AXDND1: variants seen among roughly 807,000 people sequenced by gnomAD.
AXDND1 encodes axonemal dynein light chain domain-containing protein 1.
In AXDND1, 110 loss-of-function variants were observed where a neutral mutation model predicts 137.5. That is an observed-to-expected ratio of 0.80 (90% CI 0.69 to 0.94). The LOEUF is 0.94. AXDND1 is among the 40% of genes least tolerant of loss of function. The pLI is 0.00. For synonymous variants in AXDND1, 414 were observed against 399.7 expected, an observed-to-expected ratio of 1.04 and a Z score of -0.43; for missense variants, 1,191 against 1,169.8, an observed-to-expected ratio of 1.02 and a Z score of -0.26.
rs1212341663 is a variant in AXDND1, at chr1:179,386,851, A to T, written c.863+1492A>T. Among the ~76,000 whole-genome samples the T allele has an allele frequency of 3.3e-5, 5 of 151,952 alleles. 1 individual carries two copies. In the South Asian group the frequency reaches 1.0e-3, roughly 32 times the overall value. ...GTGATCCGCCTACCTCAGCCTCCTC[A>T]GTAGCTGGGGCTACAAGTGTGTGCC... On this transcript the variant is annotated intron_variant, in intron 9 of 25. Coordinates refer to ENST00000367618, the MANE Select transcript of AXDND1 (RefSeq NM_144696.6).
At position 179,368,970 on chromosome 1, in the gene AXDND1, A is replaced by G. The variant is rs1385944437; in HGVS notation, c.268A>G (p.Lys90Glu). The G allele has an allele frequency of 6.2e-7, 1 of 1,608,088 alleles. No homozygotes were observed. Among genetic ancestry groups the G allele is most frequent in the African/African-American group, 1.3e-5 (1 of 74,628 alleles). ...LLPPKKIKTP[K>E]GTLPRLVDHV... ...ACCTCCTAAGAAAATTAAAACCCCA[A>G]AGGTTTGTATGTACATATGTAGAGT... Residue 90 changes from lysine to glutamate, a missense_variant and splice_region_variant, in exon 3 of 26, where the codon AAG becomes GAG. Transcript: ENST00000367618.
At chr1:179,459,712 CTT>C (rs1310920304) in intron 16 of AXDND1, among the ~76,000 whole-genome samples, 6 of 144,200 alleles carry the variant, frequency 4.2e-5, no homozygotes, top group African/African-American at 7.9e-5. Flanking sequence ...TCCTTTCTTT[CTT>C]TTTCTTTCTT....
chr1:179,540,156 G>A (rs777000062), intron 25 of AXDND1, among the ~76,000 whole-genome samples: 62 of 152,108 alleles, frequency 4.1e-4, no homozygotes, highest in Non-Finnish European at 8.5e-4. Context: ...TTAGCTCGGA[G>A]ATGTTTGTTA....
chr1:179,525,795 A>ATATG (rs1572171488), intron 22 of AXDND1, among the ~76,000 whole-genome samples: 1 of 10,662 alleles, frequency 9.4e-5, no homozygotes, highest in Non-Finnish European at 2.6e-4. Flanking sequence ...TGCTTGGACC[A>ATATG]TATATATATA....
chr1:179,466,790 ACT>A (rs1663259272), intron 16 of AXDND1, among the ~76,000 whole-genome samples: 1 of 151,860 alleles, frequency 6.6e-6, no homozygotes, highest in African/African-American at 2.4e-5. Flanking sequence ...ATAATTTGAG[ACT>A]CTGGATGATA....
At chr1:179,460,174 T>C (rs987318355) in intron 16 of AXDND1, among the ~76,000 whole-genome samples, 10 of 152,068 alleles carry the variant, frequency 6.6e-5, no homozygotes, top group African/African-American at 2.2e-4. Flanking sequence ...GTGTATCTCC[T>C]AATGCTCTCG....
chr1:179,525,686 G>C (rs542955636), intron 22 of AXDND1, among the ~76,000 whole-genome samples: 1 of 152,090 alleles, frequency 6.6e-6, no homozygotes, highest in Non-Finnish European at 1.5e-5. Flanking sequence ...TTTTTATAGA[G>C]ATGGGATCTT....
chr1:179,390,475 A>G (rs1437113080), intron 9 of AXDND1, among the ~76,000 whole-genome samples: 1 of 152,200 alleles, frequency 6.6e-6, no homozygotes, highest in Non-Finnish European at 1.5e-5. Flanking sequence ...GTCGTTTTAC[A>G]TGTTGTCAAT....
chr1:179,418,644 C>T (rs1410158618), intron 12 of AXDND1, among the ~76,000 whole-genome samples: 7 of 148,840 alleles, frequency 4.7e-5, no homozygotes, highest in South Asian at 2.2e-4. Context: ...CCCTCCCGGA[C>T]GGGGCGGCTG....
chr1:179,437,987 A>G (rs891499775), intron 15 of AXDND1, among the ~76,000 whole-genome samples: 2 of 151,954 alleles, frequency 1.3e-5, no homozygotes, highest in African/African-American at 2.4e-5. Context: ...CCCTGTCTCT[A>G]CTACAAATAC....
In AXDND1 at chr1:179,421,223, C is replaced by T. The variant is rs140555184; in HGVS notation, c.1231-8295C>T. ...CATGCTGGTTTGTTTACTATGGCTT[C>T]GTAGTAAATTTCGAAGTCAGGTAGT... On this transcript the variant is annotated intron_variant, in intron 12 of 25. Coordinates refer to ENST00000367618, the MANE Select transcript of AXDND1 (RefSeq NM_144696.6). Among the ~76,000 whole-genome samples the T allele has an allele frequency of 4.1e-3, 621 of 151,782 alleles. 2 individuals carry two copies. The highest frequency in any genetic ancestry group is 0.014 in the African/African-American group (577 of 41,362).
Position 179,492,995 on chromosome 1 carries a change from GTTT to G in AXDND1, c.2388+47_2388+49del, listed in dbSNP as rs764714086. ...CCTTAGTTTTGTTTTTGTTTTGTTT[GTTT>G]TTATCAGATTTTTGAAGTTCAATTG... is the stretch of plus-strand genomic sequence containing the variant. On this transcript the variant is annotated intron_variant, in intron 20 of 25. Transcript: ENST00000367618. 7.1e-6 allele frequency: 10 copies of G among 1,401,086 alleles called. No individual in the cohort carries two copies. The South Asian group carries it at 1.3e-4, about 18-fold the overall frequency. 86.8% of individuals were successfully genotyped at this position (1,401,086 alleles called of 1,614,324 possible). A position where few individuals can be genotyped will look rare whatever the true frequency, so the allele number is the denominator to read the frequency against.
At chr1:179,424,521 G>A (rs987417341) in intron 12 of AXDND1, among the ~76,000 whole-genome samples, 6 of 150,430 alleles carry the variant, frequency 4.0e-5, no homozygotes, top group East Asian at 2.0e-4. Context: ...TCTGCCTCCC[G>A]GGTTCAAGCG....
intron 21 of AXDND1, among the ~76,000 whole-genome samples, chr1:179,511,327 TTA>T (rs1249572221): frequency 2.3e-5 from 3 of 133,274 alleles, no homozygotes; most frequent in Admixed American, 7.9e-5. Context: ...TAATATGATT[TTA>T]TATATATATA....
intron 21 of AXDND1, among the ~76,000 whole-genome samples, chr1:179,525,010 G>T (rs4652404): frequency 0.88 from 133,519 of 152,112 alleles, 58,773 homozygotes; most frequent in East Asian, 0.96. Flanking sequence ...GCCCAGAGCT[G>T]CTTCTTTTCC....
intron 12 of AXDND1, among the ~76,000 whole-genome samples, chr1:179,421,367 C>CTTTTTTTTTTTTTT (rs199703017): frequency 2.8e-5 from 3 of 107,212 alleles, no homozygotes; most frequent in Admixed American, 9.8e-5. Flanking sequence ...TTTTCTTTTC[C>CTTTTTTTTTTTTTT]TTTTTTTTTT....
intron 15 of AXDND1, among the ~76,000 whole-genome samples, chr1:179,439,228 A>G (rs927440153): frequency 2.0e-4 from 30 of 152,200 alleles, no homozygotes; most frequent in Middle Eastern, 3.2e-3. Flanking sequence ...AATCAGCACA[A>G]TTAGGGCGAC....
chr1:179,490,762 G>GTTT (rs34944088), intron 18 of AXDND1, among the ~76,000 whole-genome samples: 13,739 of 146,612 alleles, frequency 0.094, 731 homozygotes, highest in East Asian at 0.13. Flanking sequence ...CACAGTACTT[G>GTTT]TTTTTTTTTT....
chr1:179,487,400 A>G (rs556077740), intron 18 of AXDND1, among the ~76,000 whole-genome samples: 2 of 148,770 alleles, frequency 1.3e-5, no homozygotes, highest in South Asian at 4.2e-4. Flanking sequence ...TACTCAGTTG[A>G]CATGTTTGGT....
Sources: allele counts gnomAD v4.1 joint callset (sites outside exome capture counted in the v4.1 genomes callset), GRCh38; gene constraint gnomAD v4.1.1; transcripts MANE v1.5; gene names NCBI Gene and HGNC (gene_info 2026-07-23, HGNC 2026-07-21).